Variants in SH3KBP1 observed in about 807,000 individuals in gnomAD.
SH3KBP1 encodes the protein SH3 domain containing kinase binding protein 1.
In SH3KBP1, 8 loss-of-function variants were observed where a neutral mutation model predicts 50.1. That is an observed-to-expected ratio of 0.16 (90% confidence interval 0.09 to 0.29). The LOEUF is 0.29. SH3KBP1 is among the 10% of genes least tolerant of loss of function. SH3KBP1 has a pLI of 1.00. For synonymous variants in SH3KBP1, 227 were observed against 218.6 expected (o/e 1.04, Z -0.34); for missense variants, 377 against 535.2 (o/e 0.70, Z 2.92).
At chrX:19,869,340 C>T (rs1184323759) in intron 1 of SH3KBP1, among the ~76,000 whole-genome samples, 1 of 112,590 alleles carries the variant, frequency 8.9e-6, no homozygotes, top group Non-Finnish European at 1.9e-5. Context: ...TTTCCTCAGA[C>T]TCACCTGCAG....
At chrX:19,635,682 G>A (rs893898047) in intron 7 of SH3KBP1, among the ~76,000 whole-genome samples, 1 of 111,090 alleles carries the variant, frequency 9.0e-6, no homozygotes, top group African/African-American at 3.3e-5. Flanking sequence ...AGATGTTCCT[G>A]ACTTCCACTT....
At chrX:19,540,921 T>C (rs1320456219) in intron 16 of SH3KBP1, among the ~76,000 whole-genome samples, 1 of 102,190 alleles carries the variant, frequency 9.8e-6, no homozygotes, top group African/African-American at 3.5e-5. Flanking sequence ...GCCTCCCTAC[T>C]TTTTTTTTTT....
At chrX:19,636,740 C>T (rs374609555) in intron 7 of SH3KBP1, among the ~76,000 whole-genome samples, 1 of 111,551 alleles carries the variant, frequency 9.0e-6, no homozygotes, top group East Asian at 2.8e-4. Flanking sequence ...AAAAGCAGAA[C>T]CAACAGAATA....
At chrX:19,580,057 CTGAG>C (rs1286217414) in intron 12 of SH3KBP1, among the ~76,000 whole-genome samples, 4 of 111,095 alleles carry the variant, frequency 3.6e-5, no homozygotes, top group Middle Eastern at 4.6e-3. Flanking sequence ...GGGGAGGGAA[CTGAG>C]TGAGACTCAA....
At chrX:19,829,606 C>T (rs1288781146) in intron 2 of SH3KBP1, among the ~76,000 whole-genome samples, 2 of 107,590 alleles carry the variant, frequency 1.9e-5, no homozygotes, top group Admixed American at 1.0e-4. Flanking sequence ...ATTAGCTGGG[C>T]ATGGTGGCAC....
At chrX:19,854,085 G>C (rs1392785291) in intron 1 of SH3KBP1, among the ~76,000 whole-genome samples, 1 of 111,173 alleles carries the variant, frequency 9.0e-6, no homozygotes, top group Admixed American at 9.5e-5. Context: ...GGAGGGTCTT[G>C]AGGTTAAACC....
intron 2 of SH3KBP1, among the ~76,000 whole-genome samples, chrX:19,817,993 T>C (rs915758189): frequency 2.1e-4 from 24 of 112,217 alleles, no homozygotes; most frequent in African/African-American, 7.5e-4. Flanking sequence ...CTGCCTACAG[T>C]AACATGCTGT....
At chrX:19,693,416 C>T (rs775703466) in intron 5 of SH3KBP1, among the ~76,000 whole-genome samples, 1 of 111,964 alleles carries the variant, frequency 8.9e-6, no homozygotes, top group South Asian at 3.7e-4. Context: ...TTTTCCTTAA[C>T]TGTACATGCA....
In SH3KBP1 at chrX:19,683,817, A is replaced by C; in HGVS notation, c.726+6T>G. Reference sequence around the variant, plus strand: ...GTTGAAATCAAATAGAAACTGTCGAACATACCTTTTCTACCGGCAGAAAGT... The same window carrying C: ...GTTGAAATCAAATAGAAACTGTCGACCATACCTTTTCTACCGGCAGAAAGT... On this transcript the variant is annotated splice_donor_region_variant and intron_variant, in intron 6 of 17. Coordinates refer to ENST00000397821, the MANE Select transcript of SH3KBP1 (RefSeq NM_031892.3). 3 of 1,200,954 alleles carry C rather than the reference A, an allele frequency of 2.5e-6. No individual in the cohort carries two copies. Among genetic ancestry groups the C allele is most frequent in the Non-Finnish European group, 3.4e-6 (3 of 885,389 alleles).
intron 3 of SH3KBP1, among the ~76,000 whole-genome samples, chrX:19,727,647 T>C (rs2064256050): frequency 8.9e-6 from 1 of 112,708 alleles, no homozygotes; most frequent in Admixed American, 9.4e-5. Flanking sequence ...CCTTTCTATG[T>C]GTCTCTGTTA....
chrX:19,670,562 A>C (rs934008809), intron 6 of SH3KBP1, among the ~76,000 whole-genome samples: 2 of 111,753 alleles, frequency 1.8e-5, no homozygotes, highest in Non-Finnish European at 3.8e-5. Context: ...CCCAAGACAC[A>C]GAGAGATTGG....
At chrX:19,774,965 C>T (rs990430539) in intron 2 of SH3KBP1, among the ~76,000 whole-genome samples, 3 of 110,857 alleles carry the variant, frequency 2.7e-5, no homozygotes, top group African/African-American at 9.8e-5. Flanking sequence ...CTGAGGGGAG[C>T]GCATTGGTCC....
intron 2 of SH3KBP1, among the ~76,000 whole-genome samples, chrX:19,768,263 G>GT (rs755021562): frequency 1.8e-4 from 19 of 107,960 alleles, no homozygotes; most frequent in African/African-American, 5.8e-4. Context: ...CCTCCAAAAG[G>GT]TTAAATATGG....
At chrX:19,670,309 T>A in intron 6 of SH3KBP1, 1 of 744,136 alleles carries the variant, frequency 1.3e-6, no homozygotes, top group African/African-American at 2.3e-5. Flanking sequence ...AAGTCACTAC[T>A]CACAGCTGCT....
chrX:19,741,986 T>C (rs756644519), intron 3 of SH3KBP1, among the ~76,000 whole-genome samples: 1 of 112,231 alleles, frequency 8.9e-6, no homozygotes, highest in African/African-American at 3.2e-5. Flanking sequence ...AACCCTGAGA[T>C]GGAACCTGGT....
intron 2 of SH3KBP1, chrX:19,747,791 G>A (rs1221007765): frequency 7.9e-5 from 25 of 317,377 alleles, no homozygotes; most frequent in Admixed American, 5.5e-4. Flanking sequence ...TTCAACTGGC[G>A]TCCCAGAGGC....
chrX:19,630,671 A>G (rs1038110495), intron 8 of SH3KBP1, among the ~76,000 whole-genome samples: 23 of 111,772 alleles, frequency 2.1e-4, no homozygotes, highest in African/African-American at 7.5e-4. Context: ...TATATACTCC[A>G]TACCACTGTT....
At chrX:19,785,228 C>A (rs950702853) in intron 2 of SH3KBP1, among the ~76,000 whole-genome samples, 1 of 110,273 alleles carries the variant, frequency 9.1e-6, no homozygotes, top group African/African-American at 3.3e-5. Flanking sequence ...GGAAAATTTG[C>A]TGGTTTTTCA....
chrX:19,548,823 TAA>T (rs1491525889), intron 14 of SH3KBP1, among the ~76,000 whole-genome samples: 1 of 37,139 alleles, frequency 2.7e-5, no homozygotes, highest in African/African-American at 3.1e-4. Context: ...TATATGGAAA[TAA>T]AGAGAGAGAG....
Sources: gnomAD v4.1 joint callset for allele counts (sites outside exome capture counted in the v4.1 genomes callset) on GRCh38, gnomAD v4.1.1 for gene constraint, MANE v1.5 for transcripts, NCBI Gene and HGNC (gene_info 2026-07-23, HGNC 2026-07-21) for gene names.